SLC2A10: variants seen among roughly 807,000 people sequenced by gnomAD.
SLC2A10 encodes the protein solute carrier family 2 member 10.
A neutral mutation model predicts 32.1 loss-of-function variants in SLC2A10; 25 were observed. The ratio of observed to expected loss-of-function variants is 0.78; its 90% CI spans 0.57 to 1.09. SLC2A10 has a LOEUF of 1.09. Ranked by LOEUF, SLC2A10 falls within the 50% of genes least tolerant of loss-of-function variation. The pLI is 0.00. For synonymous variants in SLC2A10, 332 were observed against 309.6 expected (o/e 1.07, Z -0.76); for missense variants, 673 against 686.5 (o/e 0.98, Z 0.22).
At chr20:46,719,931 G>C (rs1309577844) in intron 1 of SLC2A10, among the ~76,000 whole-genome samples, 7 of 152,194 alleles carry the variant, frequency 4.6e-5, no homozygotes, top group African/African-American at 7.2e-5. Context: ...GCCCAGGGTG[G>C]CACAGAGCAA....
In SLC2A10 at chr20:46,726,926, T is replaced by C. The variant is rs199599532; in HGVS notation, c.1351T>C (p.Cys451Arg). The C allele has an allele frequency of 6.2e-7, 1 of 1,614,212 alleles. No individual in the cohort carries two copies. Among genetic ancestry groups the C allele is most frequent in the Admixed American group, 1.7e-5 (1 of 60,028 alleles). ...VEIRGRAFAF[C>R]NSFNWAANLF... ...GATACGAGGAAGAGCCTTCGCCTTC[T>C]GCAACAGCTTCAACTGGGCGGCCAA... Residue 451 changes from cysteine (C) to arginine (R), a missense_variant, in exon 3 of 5, where the codon TGC (cysteine) becomes CGC (arginine). Transcript: ENST00000359271.
upstream of SLC2A10, chr20:46,709,404 G>A: frequency 2.5e-6 from 1 of 405,766 alleles, no homozygotes; most frequent in Non-Finnish European, 4.3e-6. Flanking sequence ...TGGCTTGCTG[G>A]TGTGTCCCCC....
intron 4 of SLC2A10, among the ~76,000 whole-genome samples, chr20:46,732,637 G>T (rs535397439): frequency 6.6e-6 from 1 of 152,278 alleles, no homozygotes; most frequent in Admixed American, 6.5e-5. Flanking sequence ...TGTTACAAGT[G>T]TATCAGGAAT....
At chr20:46,724,053 C>T (rs1186048587) in intron 1 of SLC2A10, among the ~76,000 whole-genome samples, 2 of 152,190 alleles carry the variant, frequency 1.3e-5, no homozygotes, top group African/African-American at 4.8e-5. Flanking sequence ...CTAGGATGTT[C>T]TTCTCCCAGA....
chr20:46,732,307 A>T (rs981708447), intron 4 of SLC2A10, among the ~76,000 whole-genome samples: 2 of 152,042 alleles, frequency 1.3e-5, no homozygotes, highest in African/African-American at 2.4e-5. Flanking sequence ...AAAAAATTCA[A>T]AAATTCCTGT....
intron 4 of SLC2A10, 26 bp downstream of exon 4, chr20:46,729,514 G>A (rs763960038): frequency 1.9e-6 from 3 of 1,613,628 alleles, no homozygotes; most frequent in East Asian, 2.2e-5. Context: ...GGTGGGTCTG[G>A]GGGAAGAGCT....
chr20:46,724,484 G>A (rs1221934024), intron 1 of SLC2A10, among the ~76,000 whole-genome samples: 1 of 152,134 alleles, frequency 6.6e-6, no homozygotes, highest in African/African-American at 2.4e-5. Context: ...ACATGCAGAT[G>A]GATGAATATT....
rs1980548005 is a variant in SLC2A10, at chr20:46,736,024, G to A, written c.*2190G>A. ...GGATTTTTATTTGTAGTCTAATTTT[G>A]TCAAATCATGGCCAAATCGCAGTGA... On this transcript the variant is annotated 3_prime_UTR_variant, in exon 5 of 5. Transcript: ENST00000359271. 6.6e-6 allele frequency: 1 copy of A among 151,776 alleles called. No individual in the cohort carries two copies. The highest frequency in any genetic ancestry group is 1.5e-5 in the Non-Finnish European group (1 of 67,972). The allele number at this position is 151,776 out of a possible 1,614,324, so 9.4% of individuals were successfully genotyped here.
Position 46,729,480 on chromosome 20 carries a change from G to C in SLC2A10, c.1539G>C (p.Gln513His), listed in dbSNP as rs1334989775. ...TGGCAGAGATAGACCAGCAGTTCCA[G>C]AAGAGACGGTAGGAAGCTGACAGGG... ...QSLAEIDQQF[Q>H]KRRFTLSFGH... Residue 513 changes from glutamine to histidine, a missense_variant, in exon 4 of 5, where the codon CAG becomes CAC. Coordinates refer to ENST00000359271, the MANE Select transcript of SLC2A10 (RefSeq NM_030777.4). The C allele has an allele frequency of 4.3e-6, 7 of 1,614,102 alleles. No homozygotes were observed. Among genetic ancestry groups the C allele is most frequent in the Non-Finnish European group, 5.9e-6 (7 of 1,180,014 alleles).
intron 1 of SLC2A10, among the ~76,000 whole-genome samples, chr20:46,718,803 C>G (rs1486597441): frequency 6.6e-6 from 1 of 151,972 alleles, no homozygotes; most frequent in Non-Finnish European, 1.5e-5. Context: ...AAAGATAGGG[C>G]CTTGCTCTGT....
Position 46,725,700 on chromosome 20 carries a change from T to C in SLC2A10, c.664T>C (p.Phe222Leu). Residue 222 changes from phenylalanine to leucine, a missense_variant, in exon 2 of 5, where the codon TTC becomes CTC. Transcript: ENST00000359271. ...GRPRYSFLDL[F>L]RARDNMRGRT... ...GCCACGGTACTCCTTTCTGGACCTCTTCAGGGCACGCGATAACATGCGAGG... is the reference window on the plus strand; with the variant it reads ...GCCACGGTACTCCTTTCTGGACCTCCTCAGGGCACGCGATAACATGCGAGG... The C allele has an allele frequency of 6.2e-7, 1 of 1,614,114 alleles. No homozygotes were observed. The highest frequency in any genetic ancestry group is 8.5e-7 in the Non-Finnish European group (1 of 1,180,032).
At chr20:46,715,272 CCT>C (rs1979169560) in intron 1 of SLC2A10, among the ~76,000 whole-genome samples, 1 of 149,062 alleles carries the variant, frequency 6.7e-6, no homozygotes, top group African/African-American at 2.4e-5. Context: ...TGTCCATTGG[CCT>C]TATTGTCCAT....
chr20:46,710,359 C>T (rs1212194403), intron 1 of SLC2A10: 7 of 281,682 alleles, frequency 2.5e-5, no homozygotes, highest in Non-Finnish European at 4.6e-5. Flanking sequence ...TGAGTGAGCA[C>T]CTACTACGTG....
chr20:46,722,836 T>G (rs1979633565), intron 1 of SLC2A10, among the ~76,000 whole-genome samples: 1 of 152,248 alleles, frequency 6.6e-6, no homozygotes, highest in Admixed American at 6.5e-5. Context: ...CTCTCCAGTT[T>G]GGCAATCCCC....
At chr20:46,709,594 T>A, upstream of SLC2A10, 1 of 1,073,958 alleles carries the variant, frequency 9.3e-7, no homozygotes, top group Non-Finnish European at 1.2e-6. Context: ...TTGGCGGCGC[T>A]GCGCGCGGGA....
chr20:46,715,091 A>C (rs1979154631), intron 1 of SLC2A10, among the ~76,000 whole-genome samples: 1 of 152,142 alleles, frequency 6.6e-6, no homozygotes, highest in Non-Finnish European at 1.5e-5. Flanking sequence ...TCTGAGCCTT[A>C]ACCTCCACAT....
At chr20:46,724,854 T>C (rs988028201) in intron 1 of SLC2A10, among the ~76,000 whole-genome samples, 187 bp from the exon 2 acceptor site, 1 of 108,154 alleles carries the variant, frequency 9.2e-6, no homozygotes, top group Non-Finnish European at 1.8e-5. Context: ...GATGGTTGAA[T>C]TGATGGAGTG....
chr20:46,725,473 G>A lies in SLC2A10; in HGVS notation c.437G>A (p.Gly146Asp), dbSNP rs867914135. 1.9e-6 allele frequency: 3 copies of A among 1,614,158 alleles called. No individual in the cohort carries two copies. Among genetic ancestry groups the A allele is most frequent in the African/African-American group, 1.3e-5 (1 of 75,050 alleles). ...VSLYEAGITV[G>D]ILLSYALNYA... Reference sequence around the variant, plus strand: ...CTCTATGAGGCAGGCATCACCGTGGGCATCCTGCTCTCCTATGCCCTCAAC... The same window carrying A: ...CTCTATGAGGCAGGCATCACCGTGGACATCCTGCTCTCCTATGCCCTCAAC... Residue 146 changes from glycine to aspartate, a missense_variant, in exon 2 of 5, where the codon GGC (glycine) becomes GAC (aspartate). Coordinates refer to ENST00000359271, the MANE Select transcript of SLC2A10 (RefSeq NM_030777.4).
Position 46,709,759 on chromosome 20 carries a change from CT to C in SLC2A10, c.4+20del. 2 of 1,547,558 alleles carry C rather than the reference CT, an allele frequency of 1.3e-6. No individual in the cohort carries two copies. Among genetic ancestry groups the C allele is most frequent in the Admixed American group, 3.9e-5 (2 of 50,990 alleles). On this transcript the variant is annotated intron_variant, in intron 1 of 4. Transcript: ENST00000359271. Reference sequence around the variant, plus strand: ...GCCATGGGTAAGTCCCGATCGGGCGCTGCCTGCTGGAAGCCCGACCCCTTCC... The same window carrying C: ...GCCATGGGTAAGTCCCGATCGGGCGCGCCTGCTGGAAGCCCGACCCCTTCC...
Sources: allele counts gnomAD v4.1 joint callset (sites outside exome capture counted in the v4.1 genomes callset), GRCh38; gene constraint gnomAD v4.1.1; transcripts MANE v1.5; gene names NCBI Gene and HGNC (gene_info 2026-07-23, HGNC 2026-07-21).